Variants in HTT observed in about 807,000 individuals in gnomAD.
The protein encoded by HTT is huntington disease protein.
HTT carries 104 observed loss-of-function variants against 362.3 expected under a neutral mutation model. The observed-to-expected ratio is 0.29, with a 90% CI of 0.24 to 0.34. The LOEUF is 0.34. Ranked by LOEUF, HTT falls within the 10% of genes least tolerant of loss-of-function variation. The probability of loss-of-function intolerance (pLI) is 1.00; values close to 1 mark genes in which losing one functional copy is unlikely to be tolerated. For missense variants in HTT, 3,301 were observed against 3,928.6 expected, an observed-to-expected ratio of 0.84 and a Z score of 4.27; for synonymous variants, 1,577 against 1,548.7, an observed-to-expected ratio of 1.02 and a Z score of -0.43.
chr4:3,105,902 A>G (rs1193340641), intron 5 of HTT, among the ~76,000 whole-genome samples: 2 of 152,262 alleles, frequency 1.3e-5, no homozygotes, highest in Non-Finnish European at 2.9e-5. Flanking sequence ...TAGTCAAAAC[A>G]GTTGTATCTT....
chr4:3,173,067 C>G lies in HTT; in HGVS notation c.4102C>G (p.Gln1368Glu). The change falls in exon 31 of 67, where the codon CAG (glutamine) becomes GAG (glutamate). Residue 1368 changes from glutamine (Q) to glutamate (E), a missense_variant. Coordinates refer to ENST00000355072, the MANE Select transcript of HTT (RefSeq NM_001388492.1). ...CATGGCCCCGTACACCCACTTCACC[C>G]AGGCCCTCGCTGACGCCAGCCTGAG... ...CFMAPYTHFTQALADASLRNM... is the reference protein window; with the variant it reads ...CFMAPYTHFTEALADASLRNM... 3 of 1,614,184 alleles carry G rather than the reference C, an allele frequency of 1.9e-6. No individual in the cohort carries two copies. Among genetic ancestry groups the G allele is most frequent in the Non-Finnish European group, 2.5e-6 (3 of 1,180,046 alleles).
intron 47 of HTT, among the ~76,000 whole-genome samples, chr4:3,211,681 T>TA (rs1720168502): frequency 6.6e-6 from 1 of 152,212 alleles, no homozygotes; most frequent in African/African-American, 2.4e-5. Flanking sequence ...CATAAAAAAT[T>TA]AAAATATTAC....
At chr4:3,236,377 A>C (rs1578618176) in intron 64 of HTT, 123 bp downstream of exon 64, 1 of 740,298 alleles carries the variant, frequency 1.4e-6, no homozygotes, top group South Asian at 1.5e-5. Context: ...GTGATTCCCC[A>C]CCACAGCCTG....
intron 11 of HTT, 47 bp downstream of exon 11, chr4:3,125,676 T>C (rs1330816733): frequency 1.5e-6 from 2 of 1,345,090 alleles, no homozygotes; most frequent in South Asian, 1.2e-5. Flanking sequence ...ACTGTCTGCC[T>C]TCCACCCCTT....
chr4:3,233,407 G>A, intron 61 of HTT, 54 bp downstream of exon 61: 1 of 1,519,142 alleles, frequency 6.6e-7, no homozygotes, highest in African/African-American at 1.4e-5. Flanking sequence ...GAGCTGTGAA[G>A]GAAGCAGCAT....
At chr4:3,238,730 G>GGGCCCCCCCCCCCCCCCCCCC in intron 65 of HTT, 88 bp from the exon 66 acceptor site, 3 of 1,096,996 alleles carry the variant, frequency 2.7e-6, no homozygotes, top group Admixed American at 2.1e-5. Context: ...AATGCCTCTG[G>GGGCCCCCCCCCCCCCCCCCCC]CCCCCACCCC....
At chr4:3,075,663 A>T in intron 1 of HTT, among the ~76,000 whole-genome samples, 1 of 87,314 alleles carries the variant, frequency 1.1e-5, no homozygotes, top group Non-Finnish European at 2.4e-5. Flanking sequence ...GGGGGCGGGG[A>T]GTGAGGGCGC....
chr4:3,131,250 G>A (rs1715799322), intron 14 of HTT, 36 bp from the exon 15 acceptor site: 1 of 1,417,148 alleles, frequency 7.1e-7, no homozygotes, highest in South Asian at 1.1e-5. Flanking sequence ...GTATTGTTGA[G>A]TATGAGACAA....
At chr4:3,234,240 G>T (rs1456121378) in intron 61 of HTT, among the ~76,000 whole-genome samples, 1 of 152,248 alleles carries the variant, frequency 6.6e-6, no homozygotes, top group Non-Finnish European at 1.5e-5. Flanking sequence ...GCAGGATTTG[G>T]GACATGCTGG....
chr4:3,206,843 G>A lies in HTT; in HGVS notation c.5935G>A (p.Gly1979Arg). The A allele has an allele frequency of 6.2e-7, 1 of 1,610,998 alleles. No individual in the cohort carries two copies. The highest frequency in any genetic ancestry group is 1.3e-5 in the African/African-American group (1 of 74,944). The change falls in exon 44 of 67, where the codon GGG becomes AGG. Residue 1979 changes from glycine to arginine, a missense_variant. This residue lies in a region of HTT where 2,316 missense variants were observed against 2,658.5 expected (regional missense o/e 0.87). Coordinates refer to ENST00000355072, the MANE Select transcript of HTT (RefSeq NM_001388492.1). The surrounding 1 kb of genome is among the most constrained non-coding windows in gnomAD (Gnocchi z 4.6). ...MLKKTLQCLE[G>R]IHLSQSGAVL... ...GAAGAAAACTCTTCAGTGCTTGGAG[G>A]GGATCCATCTCAGCCAGTCGGGAGC...
chr4:3,075,136 A>C, intron 1 of HTT, 48 bp downstream of exon 1: 1 of 1,204,400 alleles, frequency 8.3e-7, no homozygotes, highest in Non-Finnish European at 1.0e-6. Context: ...GTCCCAGGCT[A>C]CGGCGGGGAT....
intron 23 of HTT, 110 bp from the exon 24 acceptor site, chr4:3,145,042 A>T: frequency 1.2e-6 from 1 of 839,412 alleles, no homozygotes. Context: ...TCATACACAG[A>T]TCTCAGTTTT....
intron 41 of HTT, among the ~76,000 whole-genome samples, chr4:3,202,246 C>T (rs1317243912): frequency 6.6e-6 from 1 of 152,158 alleles, no homozygotes; most frequent in African/African-American, 2.4e-5. Flanking sequence ...ATTCATTCGC[C>T]ACCAGTACCG....
chr4:3,172,529 T>C (rs363098), intron 30 of HTT, 132 bp downstream of exon 30: 87,476 of 735,650 alleles, frequency 0.12, 7,555 homozygotes, highest in African/African-American at 0.37. Context: ...CAGCACTTTT[T>C]GGCTCAGTCC....
chr4:3,098,737 T>C (rs1032566208), intron 2 of HTT, among the ~76,000 whole-genome samples: 1 of 152,228 alleles, frequency 6.6e-6, no homozygotes, highest in Admixed American at 6.5e-5. Context: ...GGGTGAAATA[T>C]GGTTATACTT....
Position 3,199,772 on chromosome 4 carries a change from C to A in HTT, c.5409C>A (p.Phe1803Leu), listed in dbSNP as rs761366688. 5.0e-6 allele frequency: 8 copies of A among 1,614,058 alleles called. No individual in the cohort carries two copies. In the Admixed American group the frequency reaches 1.3e-4, roughly 27 times the overall value. Reference sequence around the variant, plus strand: ...TCACAGCAGCTGCCACTAGGCTGTTCCGCAGTGATGGCTGTGGCGGCAGTT... The same window carrying A: ...TCACAGCAGCTGCCACTAGGCTGTTACGCAGTGATGGCTGTGGCGGCAGTT... ...RRITAAATRL[F>L]RSDGCGGSFY... Residue 1803 changes from phenylalanine (F) to leucine (L), a missense_variant, in exon 41 of 67, where the codon TTC (phenylalanine) becomes TTA (leucine). Physicochemically the swap from Phe to Leu is conservative, Grantham distance 22. Transcript: ENST00000355072.
intron 64 of HTT, 130 bp from the exon 65 acceptor site, chr4:3,238,317 G>A (rs1196506870): frequency 4.8e-6 from 3 of 622,666 alleles, no homozygotes; most frequent in South Asian, 2.7e-5. Flanking sequence ...AGTCCCTCAC[G>A]GCCGAGGGTC....
At chr4:3,171,203 C>T (rs1717954761) in intron 29 of HTT, among the ~76,000 whole-genome samples, 1 of 152,174 alleles carries the variant, frequency 6.6e-6, no homozygotes, top group East Asian at 1.9e-4. Context: ...TTAGAATATA[C>T]TTTGAGCATA....
chr4:3,240,141 G>T lies in HTT; in HGVS notation c.*82G>T, dbSNP rs917009961. 3 of 1,228,054 alleles carry T rather than the reference G, an allele frequency of 2.4e-6. No individual in the cohort carries two copies. Among genetic ancestry groups the T allele is most frequent in the Non-Finnish European group, 3.5e-6 (3 of 867,112 alleles). 76.1% of individuals were successfully genotyped at this position (1,228,054 alleles called of 1,614,324 possible). A position where few individuals can be genotyped will look rare whatever the true frequency, so the allele number is the denominator to read the frequency against. On this transcript the variant is annotated 3_prime_UTR_variant, in exon 67 of 67. Coordinates refer to ENST00000355072, the MANE Select transcript of HTT (RefSeq NM_001388492.1). Reference sequence around the variant, plus strand: ...TGCGCCCTTGTGCCCTGCCTCCACCGAGCCAGCTTGGTCCCTATGGGCTTC... The same window carrying T: ...TGCGCCCTTGTGCCCTGCCTCCACCTAGCCAGCTTGGTCCCTATGGGCTTC...
Sources: gnomAD v4.1 joint callset for allele counts (sites outside exome capture counted in the v4.1 genomes callset) on GRCh38, gnomAD v4.1.1 for gene constraint, gnomAD v4.1.1 regional missense constraint, Gnocchi (gnomAD v3.1) non-coding constraint, MANE v1.5 for transcripts, NCBI Gene and HGNC (gene_info 2026-07-23, HGNC 2026-07-21) for gene names.